Variants in RTN4RL1 observed in about 807,000 individuals in gnomAD.
RTN4RL1 encodes reticulon-4 receptor-like 1.
A neutral mutation model predicts 25.6 loss-of-function variants in RTN4RL1; 7 were observed. That is an observed-to-expected ratio of 0.27 (90% CI 0.16 to 0.51). RTN4RL1 has a LOEUF of 0.51. Among genes scored for constraint, RTN4RL1 ranks in the 20% least tolerant of loss-of-function variants. The pLI is 0.97. For synonymous variants in RTN4RL1, 297 were observed against 288.2 expected, an observed-to-expected ratio of 1.03 and a Z score of -0.31; for missense variants, 500 against 615.6, an observed-to-expected ratio of 0.81 and a Z score of 1.99.
At chr17:1,942,647 A>G (rs1390787269) in intron 1 of RTN4RL1, among the ~76,000 whole-genome samples, 1 of 152,144 alleles carries the variant, frequency 6.6e-6, no homozygotes, top group Non-Finnish European at 1.5e-5. Flanking sequence ...GGAGGCAAGG[A>G]GAGCTGTGTT....
intron 1 of RTN4RL1, among the ~76,000 whole-genome samples, chr17:1,992,091 G>A (rs1305970207): frequency 6.6e-6 from 1 of 151,662 alleles, no homozygotes; most frequent in Admixed American, 6.6e-5. Flanking sequence ...CGTGCCGGGC[G>A]CAGTGGCTCA....
intron 1 of RTN4RL1, among the ~76,000 whole-genome samples, chr17:1,954,701 T>C (rs556799972): frequency 5.1e-4 from 78 of 152,262 alleles, no homozygotes; most frequent in African/African-American, 1.7e-3. Context: ...CCCACTCTCT[T>C]CTCTCTCCAC....
chr17:2,020,078 A>C (rs980601875), intron 1 of RTN4RL1: 8 of 152,190 alleles, frequency 5.3e-5, no homozygotes, highest in Non-Finnish European at 7.3e-5. Context: ...TGAGGAGCGC[A>C]GCAGCCCAGA....
At chr17:1,975,306 G>A (rs2066838233) in intron 1 of RTN4RL1, among the ~76,000 whole-genome samples, 1 of 152,094 alleles carries the variant, frequency 6.6e-6, no homozygotes, top group Non-Finnish European at 1.5e-5. Context: ...GTAGTAAAAG[G>A]GTTTCAATGA....
chr17:1,974,153 CA>C (rs2066832701), intron 1 of RTN4RL1, among the ~76,000 whole-genome samples: 1 of 151,230 alleles, frequency 6.6e-6, no homozygotes, highest in African/African-American at 2.4e-5. Context: ...GCCTGGGCAA[CA>C]GGGCGAAACT....
Position 1,967,612 on chromosome 17 carries a change from G to A in RTN4RL1, c.14-29804C>T, listed in dbSNP as rs543442894. 2.0e-5 allele frequency among the ~76,000 whole-genome samples: 3 copies of A among 151,002 alleles called. No homozygotes were observed. The East Asian group carries it at 5.8e-4, about 29-fold the overall frequency. On this transcript the variant is annotated intron_variant, in intron 1 of 1. Transcript: ENST00000331238. ...CCAGACAGCCATGCAGACTCCTGCT[G>A]TTGCCCAAGCCCAACACTTTCCAGT... is the stretch of plus-strand genomic sequence containing the variant.
rs1350734694 is a variant in RTN4RL1 at position 1,939,142 on chromosome 17, G to A, written c.14-1334C>T. The stretch of plus-strand genomic sequence containing the variant: ...CCGAGGCGGGCGGATCACGAGGTCA[G>A]GAGATCGAGACCATCCTGGCTAACA... On this transcript the variant is annotated intron_variant, in intron 1 of 1. Transcript: ENST00000331238. Among the ~76,000 whole-genome samples the A allele has an allele frequency of 3.3e-5, 5 of 152,092 alleles. No individual in the cohort carries two copies. The South Asian group carries it at 8.3e-4, about 25-fold the overall frequency.
At chr17:1,972,301 G>A (rs1422211692) in intron 1 of RTN4RL1, among the ~76,000 whole-genome samples, 19 of 147,976 alleles carry the variant, frequency 1.3e-4, no homozygotes, top group Non-Finnish European at 5.9e-5. Flanking sequence ...GCAATACTCG[G>A]TCTCAAAAAT....
In RTN4RL1 at chr17:1,937,676, G is replaced by A. The variant is rs1251335399; in HGVS notation, c.146C>T (p.Pro49Leu). ...SCQAHNFAAI[P>L]EGIPVDSERV... ...CTCGCTGTCCACGGGGATGCCCTCC[G>A]GGATGGCTGCAAAGTTGTGCGCCTG... The change falls in exon 2 of 2, where the codon CCG (proline) becomes CTG (leucine). Residue 49 changes from proline to leucine, a missense_variant. Coordinates refer to ENST00000331238, the MANE Select transcript of RTN4RL1 (RefSeq NM_178568.4). 3 of 1,613,614 alleles carry A rather than the reference G, an allele frequency of 1.9e-6. No individual in the cohort carries two copies. Among genetic ancestry groups the A allele is most frequent in the African/African-American group, 1.3e-5 (1 of 75,048 alleles).
chr17:1,987,549 G>A lies in RTN4RL1; in HGVS notation c.13+37304C>T, dbSNP rs189860405. Reference sequence around the variant, plus strand: ...TGTTTCATGAGCCTGTAAGATTCCCGCTCTGTCCCAGTGGTTTTGTTTCCG... The same window carrying A: ...TGTTTCATGAGCCTGTAAGATTCCCACTCTGTCCCAGTGGTTTTGTTTCCG... On this transcript the variant is annotated intron_variant, in intron 1 of 1. Transcript: ENST00000331238. 6.2e-4 allele frequency among the ~76,000 whole-genome samples: 94 copies of A among 152,242 alleles called. 1 individual carries two copies. The highest frequency in any genetic ancestry group is 2.7e-3 in the Admixed American group (41 of 15,282).
intron 1 of RTN4RL1, among the ~76,000 whole-genome samples, chr17:1,985,508 A>G (rs1241839486): frequency 6.6e-6 from 1 of 152,196 alleles, no homozygotes; most frequent in Non-Finnish European, 1.5e-5. Context: ...GCTATGGTTG[A>G]TTACTGGACA....
At chr17:1,979,995 C>T (rs970229838) in intron 1 of RTN4RL1, among the ~76,000 whole-genome samples, 2 of 152,204 alleles carry the variant, frequency 1.3e-5, no homozygotes, top group Non-Finnish European at 2.9e-5. Flanking sequence ...CTTTCCCACA[C>T]ACCCTGGCCT....
intron 1 of RTN4RL1, among the ~76,000 whole-genome samples, chr17:1,973,890 T>G (rs1405265055): frequency 6.6e-6 from 1 of 151,558 alleles, no homozygotes; most frequent in African/African-American, 2.4e-5. Context: ...AGTACAAAAA[T>G]TAGCCGGGTG....
intron 1 of RTN4RL1, among the ~76,000 whole-genome samples, chr17:1,938,019 G>C (rs1463899607): frequency 6.6e-6 from 1 of 152,210 alleles, no homozygotes. Context: ...CTTCTGCTGG[G>C]CTGGGAGGTG....
intron 1 of RTN4RL1, among the ~76,000 whole-genome samples, chr17:1,962,619 C>G (rs549674876): frequency 1.3e-5 from 2 of 151,954 alleles, no homozygotes; most frequent in Non-Finnish European, 2.9e-5. Context: ...AATCCCAGCA[C>G]TTTGGGAGGC....
intron 1 of RTN4RL1, among the ~76,000 whole-genome samples, chr17:1,958,675 G>A (rs1339865352): frequency 2.6e-5 from 4 of 152,186 alleles, no homozygotes; most frequent in East Asian, 3.9e-4. Context: ...AAACAGTTCC[G>A]GCAGGATCGT....
chr17:1,961,316 G>A (rs1053082210), intron 1 of RTN4RL1, among the ~76,000 whole-genome samples: 8 of 152,220 alleles, frequency 5.3e-5, no homozygotes, highest in African/African-American at 1.9e-4. Flanking sequence ...GGGGTGGAAG[G>A]GGCATTGGAG....
intron 1 of RTN4RL1, among the ~76,000 whole-genome samples, chr17:1,976,633 C>G (rs890372798): frequency 6.6e-6 from 1 of 152,176 alleles, no homozygotes; most frequent in African/African-American, 2.4e-5. Context: ...TGCAGTTTAT[C>G]TGAGTACCTA....
chr17:1,937,338 C>T lies in RTN4RL1; in HGVS notation c.484G>A (p.Glu162Lys), dbSNP rs749912127. ...ACGAAGATGTCGTCCTGGAGGTACT[C>T]GATGTGGTTGTCCTGCAGGTAGAGG... Reference protein sequence around the residue: ...QYLYLQDNHIEYLQDDIFVDL... With the variant: ...QYLYLQDNHIKYLQDDIFVDL... Residue 162 changes from glutamate to lysine, a missense_variant, in exon 2 of 2, where the codon GAG (glutamate) becomes AAG (lysine). By Grantham distance (56) the Glu-to-Lys change is moderately conservative. Coordinates refer to ENST00000331238, the MANE Select transcript of RTN4RL1 (RefSeq NM_178568.4). 5.6e-6 allele frequency: 9 copies of T among 1,613,484 alleles called. No homozygotes were observed. Among genetic ancestry groups the T allele is most frequent in the African/African-American group, 4.0e-5 (3 of 74,896 alleles).
Sources: gnomAD v4.1 joint callset for allele counts (sites outside exome capture counted in the v4.1 genomes callset) on GRCh38, gnomAD v4.1.1 for gene constraint, MANE v1.5 for transcripts, NCBI Gene and HGNC (gene_info 2026-07-23, HGNC 2026-07-21) for gene names.